Variants in NUP188 observed in about 807,000 individuals in gnomAD.
NUP188 encodes nucleoporin 188.
In NUP188, 97 loss-of-function variants were observed where a neutral mutation model predicts 223.0. The observed-to-expected ratio is 0.43, with a 90% CI of 0.37 to 0.51. NUP188 has a LOEUF of 0.51. Ranked by LOEUF, NUP188 falls within the 20% of genes least tolerant of loss-of-function variation. The probability of loss-of-function intolerance (pLI) is 0.00; values close to 1 mark genes in which losing one functional copy is unlikely to be tolerated. For synonymous variants in NUP188, 869 were observed against 828.0 expected (o/e 1.05, Z -0.85); for missense variants, 1,947 against 2,175.6 (o/e 0.89, Z 2.09).
chr9:129,006,082 A>C lies in NUP188; in HGVS notation c.4902A>C (p.Ala1634=). The change falls in exon 42 of 44, where the codon GCA becomes GCC. Residue 1634 remains alanine, a synonymous_variant. Coordinates refer to ENST00000372577, the MANE Select transcript of NUP188 (RefSeq NM_015354.3). Reference sequence around the variant, plus strand: ...AGAAAAAGGAGCCCCTCACCCAGGCAGTGGGGCTCAGCACACAGGCAGAAG... The same window carrying C: ...AGAAAAAGGAGCCCCTCACCCAGGCCGTGGGGCTCAGCACACAGGCAGAAG... The part of the protein sequence containing the change: ...LDKKKEPLTQ[A]VGLSTQAEGT... 6.2e-7 allele frequency: 1 copy of C among 1,614,178 alleles called. No individual in the cohort carries two copies. The highest frequency in any genetic ancestry group is 8.5e-7 in the Non-Finnish European group (1 of 1,180,030).
At chr9:128,959,527 C>CTTTTTTTTTTTTTTT (rs1303364478) in intron 8 of NUP188, among the ~76,000 whole-genome samples, 26 of 123,892 alleles carry the variant, frequency 2.1e-4, no homozygotes, top group African/African-American at 8.4e-4. Flanking sequence ...TACAGATTAT[C>CTTTTTTTTTTTTTTT]TTTTTTTTTT....
intron 27 of NUP188, among the ~76,000 whole-genome samples, chr9:128,994,098 C>T (rs907349245): frequency 1.3e-5 from 2 of 152,310 alleles, no homozygotes; most frequent in African/African-American, 4.8e-5. Context: ...ATTTCCCTCC[C>T]TCCTCTTCTG....
intron 12 of NUP188, 57 bp downstream of exon 12, chr9:128,973,306 CA>C: frequency 8.9e-7 from 1 of 1,122,626 alleles, no homozygotes. Flanking sequence ...AATCAAGTCC[CA>C]AAAATATACC....
intron 3 of NUP188, among the ~76,000 whole-genome samples, chr9:128,953,299 T>C (rs542749010): frequency 6.6e-6 from 1 of 152,334 alleles, no homozygotes; most frequent in East Asian, 1.9e-4. Context: ...ACTACTTTTA[T>C]TCTTTGGGTG....
chr9:129,004,926 C>A (rs1842750783), intron 38 of NUP188: 6 of 579,774 alleles, frequency 1.0e-5, no homozygotes, highest in Non-Finnish European at 1.9e-5. Context: ...GCTATAGGGG[C>A]TTTAAGCTGG....
chr9:128,964,190 C>A, intron 8 of NUP188: 1 of 289,842 alleles, frequency 3.5e-6, no homozygotes, highest in Non-Finnish European at 6.8e-6. Context: ...TTACTTACAC[C>A]TTCTTCAGTC....
At chr9:128,997,965 C>G (rs1588290596) in intron 30 of NUP188, among the ~76,000 whole-genome samples, 186 bp from the exon 31 acceptor site, 2 of 152,072 alleles carry the variant, frequency 1.3e-5, no homozygotes, top group Admixed American at 6.6e-5. Flanking sequence ...GTGATCCGCC[C>G]ACCTCAGCCT....
chr9:128,963,073 A>T (rs951174179), intron 8 of NUP188, among the ~76,000 whole-genome samples: 10 of 152,086 alleles, frequency 6.6e-5, no homozygotes, highest in African/African-American at 2.4e-4. Flanking sequence ...ATTCTTATTT[A>T]TGGTTGAGTA....
chr9:128,954,352 C>T (rs1403315261), intron 3 of NUP188, among the ~76,000 whole-genome samples: 1 of 138,198 alleles, frequency 7.2e-6, no homozygotes, highest in East Asian at 2.2e-4. Context: ...GTAGCTGGGA[C>T]TACAGGCGCC....
rs576602189 is a variant in NUP188 at position 128,998,469 on chromosome 9, C to T, written c.3430-69C>T. ...TGCTGGGGAAGAAAGGCAATGAGGC[C>T]GGAGGTGCCCTGTGGATGGCATGCG... On this transcript the variant is annotated intron_variant, in intron 31 of 43. Coordinates refer to ENST00000372577, the MANE Select transcript of NUP188 (RefSeq NM_015354.3). 245 of 1,360,746 alleles carry T rather than the reference C, an allele frequency of 1.8e-4. 1 individual carries two copies. Among genetic ancestry groups the T allele is most frequent in the South Asian group, 1.2e-3 (100 of 85,754 alleles). The allele number at this position is 1,360,746 out of a possible 1,614,324, so 84.3% of individuals were successfully genotyped here. A position where few individuals can be genotyped will look rare whatever the true frequency, so the allele number is the denominator to read the frequency against.
chr9:128,980,794 T>C (rs2131164969), intron 14 of NUP188, 69 bp downstream of exon 14: 1 of 1,549,952 alleles, frequency 6.5e-7, no homozygotes, highest in Non-Finnish European at 8.8e-7. Flanking sequence ...AGGAATCTTT[T>C]TTGCTTTCCA....
chr9:128,990,553 C>T (rs2131174714), intron 25 of NUP188, among the ~76,000 whole-genome samples: 1 of 152,230 alleles, frequency 6.6e-6, no homozygotes, highest in African/African-American at 2.4e-5. Context: ...TGGTGAAACC[C>T]TATCTCTCCT....
chr9:128,980,577 G>A (rs1269762881), intron 13 of NUP188, 29 bp from the exon 14 acceptor site: 1 of 1,591,182 alleles, frequency 6.3e-7, no homozygotes, highest in Non-Finnish European at 8.6e-7. Context: ...ATAATGTGAA[G>A]ATCAGTGATT....
intron 25 of NUP188, among the ~76,000 whole-genome samples, chr9:128,991,476 T>TGAGCTGAGATCACATCA (rs1003988144): frequency 2.6e-5 from 4 of 151,918 alleles, no homozygotes; most frequent in African/African-American, 2.4e-5. Context: ...GAGGTTGCAG[T>TGAGCTGAGATCACATCA]GAGCTGAGAT....
At chr9:128,976,526 C>T (rs772084236) in intron 12 of NUP188, among the ~76,000 whole-genome samples, 6 of 152,034 alleles carry the variant, frequency 3.9e-5, no homozygotes, top group African/African-American at 9.7e-5. Flanking sequence ...CAAAAATTAG[C>T]TGGACATGGT....
chr9:129,004,983 T>G, intron 38 of NUP188, 164 bp from the exon 39 acceptor site: 1 of 643,422 alleles, frequency 1.6e-6, no homozygotes, highest in Non-Finnish European at 2.8e-6. Context: ...AAGGGGAGCA[T>G]GAGGGAAGGA....
At chr9:128,988,468 T>G (rs1275641697) in intron 24 of NUP188, among the ~76,000 whole-genome samples, 2 of 152,212 alleles carry the variant, frequency 1.3e-5, no homozygotes, top group African/African-American at 4.8e-5. Context: ...CTGTGTGACC[T>G]TGGGTACGTT....
chr9:128,996,841 GAGAA>G (rs1414852244), intron 30 of NUP188, among the ~76,000 whole-genome samples: 3 of 152,018 alleles, frequency 2.0e-5, no homozygotes, highest in Admixed American at 6.6e-5. Flanking sequence ...GAAAAAAAAA[GAGAA>G]AGAAACCTAA....
chr9:128,983,455 T>G lies in NUP188; in HGVS notation c.1885-19T>G. On this transcript the variant is annotated intron_variant, in intron 18 of 43. Coordinates refer to ENST00000372577, the MANE Select transcript of NUP188 (RefSeq NM_015354.3). ...ACCTGAAGATATGTGGGCATTTAAC[T>G]CTTCCTTTTCCTTCTCAGGTCTGGA... The G allele has an allele frequency of 6.2e-7, 1 of 1,613,716 alleles. No individual in the cohort carries two copies. Among genetic ancestry groups the G allele is most frequent in the East Asian group, 2.2e-5 (1 of 44,880 alleles).
Sources: allele counts gnomAD v4.1 joint callset (sites outside exome capture counted in the v4.1 genomes callset), GRCh38; gene constraint gnomAD v4.1.1; transcripts MANE v1.5; gene names NCBI Gene and HGNC (gene_info 2026-07-23, HGNC 2026-07-21).